Variants in KIF1B observed in about 807,000 individuals in gnomAD.
The protein encoded by KIF1B is kinesin family member 1B, also known as kinesin-like protein KIF1B.
Under a neutral mutation model 241.9 loss-of-function variants are expected in KIF1B, and 76 were observed. The observed-to-expected ratio is 0.31, with a 90% CI of 0.26 to 0.38. The LOEUF is 0.38. KIF1B is among the 10% of genes least tolerant of loss of function. The pLI is 1.00. For missense variants in KIF1B, 1,622 were observed against 2,271.4 expected, an observed-to-expected ratio of 0.71 and a Z score of 5.81; for synonymous variants, 750 against 796.7, an observed-to-expected ratio of 0.94 and a Z score of 0.99.
At chr1:10,289,695 C>T (rs532345999) in intron 15 of KIF1B, among the ~76,000 whole-genome samples, 12 of 152,060 alleles carry the variant, frequency 7.9e-5, no homozygotes, top group Non-Finnish European at 1.8e-4. Context: ...ACCAGCCTGA[C>T]CAATATGGTG....
chr1:10,365,360 G>T lies in KIF1B; in HGVS notation c.4513-49G>T. 1 of 1,614,070 alleles carries T rather than the reference G, an allele frequency of 6.2e-7. No homozygotes were observed. Among genetic ancestry groups the T allele is most frequent in the South Asian group, 1.1e-5 (1 of 91,068 alleles). ...TAGCTTTTCACTTTTCTCTCCTGAG[G>T]TCTTAACGAGCTTTGTGTTTGCTAT... is the stretch of plus-strand genomic sequence containing the variant. On this transcript the variant is annotated intron_variant, in intron 42 of 48. Coordinates refer to ENST00000676179, the MANE Select transcript of KIF1B (RefSeq NM_001365951.3). The surrounding 1 kb of genome is among the most constrained non-coding windows in gnomAD (Gnocchi z 4.0).
intron 5 of KIF1B, among the ~76,000 whole-genome samples, chr1:10,266,571 A>G (rs933109307): frequency 6.6e-6 from 1 of 152,150 alleles, no homozygotes; most frequent in African/African-American, 2.4e-5. Context: ...AGTTAGTAAC[A>G]GTGTGGTGAG....
intron 40 of KIF1B, among the ~76,000 whole-genome samples, chr1:10,362,105 ATTT>A (rs1425957145): frequency 6.6e-5 from 10 of 152,310 alleles, no homozygotes; most frequent in African/African-American, 2.4e-4. Context: ...CATCATCATT[ATTT>A]CTAACAGAGT....
intron 22 of KIF1B, among the ~76,000 whole-genome samples, chr1:10,316,919 G>C (rs574028956): frequency 1.4e-4 from 21 of 149,790 alleles, no homozygotes; most frequent in African/African-American, 5.0e-4. Context: ...TTGTTTTTTT[G>C]TTTTTCAGAT....
intron 3 of KIF1B, among the ~76,000 whole-genome samples, chr1:10,257,922 C>CCGCCTTG (rs1314270289): frequency 6.6e-6 from 1 of 152,132 alleles, no homozygotes; most frequent in Non-Finnish European, 1.5e-5. Flanking sequence ...AGTGATCTGC[C>CCGCCTTG]CGCCTTGGCC....
At chr1:10,243,402 G>A (rs1647165318) in intron 2 of KIF1B, among the ~76,000 whole-genome samples, 1 of 152,190 alleles carries the variant, frequency 6.6e-6, no homozygotes, top group African/African-American at 2.4e-5. Flanking sequence ...CTGGGTGACA[G>A]AACAAGACTG....
intron 20 of KIF1B, 33 bp from the exon 21 acceptor site, chr1:10,296,864 A>G (rs764816313): frequency 1.3e-6 from 2 of 1,592,806 alleles, no homozygotes; most frequent in Admixed American, 1.7e-5. Context: ...TAAAAAAATT[A>G]TTTCTTAACC....
intron 1 of KIF1B, among the ~76,000 whole-genome samples, chr1:10,230,498 C>T (rs903820312): frequency 1.3e-5 from 2 of 149,342 alleles, no homozygotes; most frequent in African/African-American, 2.5e-5. Context: ...TGCAGTGGTG[C>T]GATCTCAGCT....
chr1:10,291,959 C>A, intron 16 of KIF1B, 88 bp from the exon 17 acceptor site: 1 of 1,123,498 alleles, frequency 8.9e-7, no homozygotes, highest in Non-Finnish European at 1.4e-6. Context: ...GTTGTTTTTG[C>A]TTTGCAGGCT....
intron 48 of KIF1B, 109 bp downstream of exon 48, chr1:10,375,482 C>A: frequency 1.2e-6 from 1 of 857,796 alleles, no homozygotes; most frequent in South Asian, 1.4e-5. Flanking sequence ...CCCCCTGGTT[C>A]AAGCGATTCT....
chr1:10,337,162 T>C lies in KIF1B; in HGVS notation c.3218T>C (p.Val1073Ala). 6.2e-7 allele frequency: 1 copy of C among 1,614,020 alleles called. No homozygotes were observed. Among genetic ancestry groups the C allele is most frequent in the Non-Finnish European group, 8.5e-7 (1 of 1,180,014 alleles). ...IVEGQGQSSE[V>A]ITPPEEISRI... ...GAAGGACAGGGTCAGAGTTCTGAGG[T>C]CATCACTCCTCCAGAAGAAATCAGT... The change falls in exon 30 of 49, where the codon GTC (valine) becomes GCC (alanine). Residue 1073 changes from valine to alanine, a missense_variant. Val to Ala is a moderately conservative substitution (Grantham distance 64, BLOSUM62 0). Coordinates refer to ENST00000676179, the MANE Select transcript of KIF1B (RefSeq NM_001365951.3). The surrounding 1 kb of genome is among the most constrained non-coding windows in gnomAD (Gnocchi z 4.0).
chr1:10,217,401 A>T (rs116083592), intron 1 of KIF1B, among the ~76,000 whole-genome samples: 1 of 142,924 alleles, frequency 7.0e-6, no homozygotes, highest in African/African-American at 2.6e-5. Context: ...GTGCAGAGGC[A>T]CAATCTCCTG....
At chr1:10,226,983 A>ACAAG (rs1304285548) in intron 1 of KIF1B, among the ~76,000 whole-genome samples, 1 of 149,992 alleles carries the variant, frequency 6.7e-6, no homozygotes, top group South Asian at 2.1e-4. Context: ...AAACAAACAA[A>ACAAG]CAAACAAAAA....
rs141973719 is a variant in KIF1B at position 10,365,992 on chromosome 1, G to A, written c.4752+344G>A. Among the ~76,000 whole-genome samples, 4,061 of 152,190 alleles carry A rather than the reference G, an allele frequency of 0.027. 206 individuals are homozygous for A. Among genetic ancestry groups the A allele is most frequent in the African/African-American group, 0.091 (3,798 of 41,522 alleles). Reference sequence around the variant, plus strand: ...ACACCTGTAATCCCAGCACTTTGCAGGGCTGAGGCAGGTGGATTACCTGAG... The same window carrying A: ...ACACCTGTAATCCCAGCACTTTGCAAGGCTGAGGCAGGTGGATTACCTGAG... On this transcript the variant is annotated intron_variant, in intron 43 of 48. Transcript: ENST00000676179. This position sits in a 1 kb window ranked among gnomAD's most constrained non-coding sequence, Gnocchi z 4.0.
Position 10,380,572 on chromosome 1 carries a change from G to A in KIF1B, c.*3985G>A. 5.5e-6 allele frequency: 1 copy of A among 182,960 alleles called. No homozygotes were observed. The highest frequency in any genetic ancestry group is 1.2e-5 in the Non-Finnish European group (1 of 85,908). The allele number at this position is 182,960 out of a possible 1,614,324, so 11.3% of individuals were successfully genotyped here. A position where few individuals can be genotyped will look rare whatever the true frequency, so the allele number is the denominator to read the frequency against. On this transcript the variant is annotated 3_prime_UTR_variant, in exon 49 of 49. Coordinates refer to ENST00000676179, the MANE Select transcript of KIF1B (RefSeq NM_001365951.3). ...AATACAAAAAGTAGCCAGGCGTGGTGGCGTGTGCCTGTAGTCCCAGCTACT... is the reference window on the plus strand; with the variant it reads ...AATACAAAAAGTAGCCAGGCGTGGTAGCGTGTGCCTGTAGTCCCAGCTACT...
intron 7 of KIF1B, among the ~76,000 whole-genome samples, chr1:10,269,005 T>G (rs1648632709): frequency 6.6e-6 from 1 of 152,230 alleles, no homozygotes; most frequent in Non-Finnish European, 1.5e-5. Flanking sequence ...TTATTGTTAT[T>G]GTTAGTAATA....
intron 32 of KIF1B, 137 bp from the exon 33 acceptor site, chr1:10,341,913 T>G: frequency 2.0e-5 from 14 of 692,224 alleles, no homozygotes; most frequent in East Asian, 2.6e-5. Flanking sequence ...TGAGGCCGCA[T>G]GAGCCTTGTT....
At chr1:10,217,402 C>G (rs888555629) in intron 1 of KIF1B, among the ~76,000 whole-genome samples, 1 of 148,616 alleles carries the variant, frequency 6.7e-6, no homozygotes, top group Non-Finnish European at 1.5e-5. Flanking sequence ...TGCAGAGGCA[C>G]AATCTCCTGG....
chr1:10,360,790 C>T (rs1052879847), intron 38 of KIF1B, 139 bp from the exon 39 acceptor site: 11 of 717,274 alleles, frequency 1.5e-5, no homozygotes, highest in Non-Finnish European at 2.6e-5. Context: ...AAGGGTTCCT[C>T]TCTGTTATTA....
Sources: gnomAD v4.1 joint callset for allele counts (sites outside exome capture counted in the v4.1 genomes callset) on GRCh38, gnomAD v4.1.1 for gene constraint, Gnocchi (gnomAD v3.1) non-coding constraint, MANE v1.5 for transcripts, NCBI Gene and HGNC (gene_info 2026-07-23, HGNC 2026-07-21) for gene names.